Variants in TRPA1 observed in about 807,000 individuals in gnomAD.
The protein encoded by TRPA1 is transient receptor potential cation channel subfamily A member 1, also known as ankyrin-like with transmembrane domains 1.
In TRPA1, 129 loss-of-function variants were observed where a neutral mutation model predicts 131.3. That is an observed-to-expected ratio of 0.98 (90% confidence interval 0.85 to 1.14). The LOEUF (loss-of-function observed/expected upper bound fraction) is 1.14, where lower values mean the gene tolerates loss of function less well. Ranked by LOEUF, TRPA1 falls within the 50% of genes most tolerant of loss-of-function variation. The pLI is 0.00. For synonymous variants in TRPA1, 441 were observed against 451.7 expected (o/e 0.98, Z 0.30); for missense variants, 1,304 against 1,354.2 (o/e 0.96, Z 0.58).
chr8:72,028,751 C>T (rs1256009970), intron 24 of TRPA1, among the ~76,000 whole-genome samples: 1 of 152,168 alleles, frequency 6.6e-6, no homozygotes, highest in Non-Finnish European at 1.5e-5. Flanking sequence ...TTCCTCTGGG[C>T]TCTCATGATA....
chr8:72,053,475 C>T (rs1424917043), intron 13 of TRPA1: 1 of 461,704 alleles, frequency 2.2e-6, no homozygotes, highest in African/African-American at 2.0e-5. Flanking sequence ...CTGGACCTAC[C>T]AGGGAGTAAA....
chr8:72,088,920 A>T, the TRPA1 span, among the ~76,000 whole-genome samples: 1 of 152,214 alleles, frequency 6.6e-6, no homozygotes, highest in Admixed American at 6.5e-5. Flanking sequence ...AATGCAATTA[A>T]TAAAAAGCCA....
chr8:72,083,071 A>G, the TRPA1 span, among the ~76,000 whole-genome samples: 7 of 151,950 alleles, frequency 4.6e-5, no homozygotes, highest in African/African-American at 1.4e-4. Context: ...TCTGCTATTG[A>G]ACCTACTAGT....
At chr8:72,057,963 G>T in intron 8 of TRPA1, 147 bp from the exon 9 acceptor site, 1 of 651,086 alleles carries the variant, frequency 1.5e-6, no homozygotes. Context: ...AGAATTATTT[G>T]AAAGTTTCCC....
upstream of TRPA1, among the ~76,000 whole-genome samples, chr8:72,079,893 C>T (rs1806257175): frequency 6.6e-6 from 1 of 151,732 alleles, no homozygotes; most frequent in Non-Finnish European, 1.5e-5. Context: ...TAAATGTATT[C>T]CTAAGGATTT....
chr8:72,039,934 T>C, intron 17 of TRPA1, 137 bp from the exon 18 acceptor site: 1 of 654,416 alleles, frequency 1.5e-6, no homozygotes, highest in East Asian at 2.7e-5. Context: ...TTGAAAAAAA[T>C]AAAAATTAGA....
intron 15 of TRPA1, 48 bp downstream of exon 15, chr8:72,050,730 C>G (rs772400684): frequency 1.6e-6 from 2 of 1,222,028 alleles, no homozygotes; most frequent in Non-Finnish European, 2.4e-6. Flanking sequence ...ATTACAACAA[C>G]ATATGTCAAG....
intron 23 of TRPA1, among the ~76,000 whole-genome samples, chr8:72,032,212 G>A (rs549966199): frequency 1.4e-3 from 217 of 152,250 alleles, no homozygotes; most frequent in South Asian, 0.014. Flanking sequence ...TTTTGAAGAG[G>A]CATGGAAAAT....
chr8:72,087,379 A>G, the TRPA1 span, among the ~76,000 whole-genome samples: 10 of 152,186 alleles, frequency 6.6e-5, no homozygotes, highest in Non-Finnish European at 1.2e-4. Flanking sequence ...AAACTGAAGT[A>G]TGCCGTTGGC....
At chr8:72,051,850 A>C (rs1805516721) in intron 14 of TRPA1, among the ~76,000 whole-genome samples, 1 of 152,234 alleles carries the variant, frequency 6.6e-6, no homozygotes, top group African/African-American at 2.4e-5. Flanking sequence ...GGAGTCTCAC[A>C]AGAGTGATGT....
chr8:72,054,816 C>T (rs1014841205), intron 12 of TRPA1: 3 of 152,340 alleles, frequency 2.0e-5, no homozygotes, highest in African/African-American at 7.2e-5. Context: ...AAATGAAAAA[C>T]CTCTGTAAAA....
chr8:72,085,050 A>G, the TRPA1 span, among the ~76,000 whole-genome samples: 1 of 152,090 alleles, frequency 6.6e-6, no homozygotes, highest in Non-Finnish European at 1.5e-5. Flanking sequence ...TTTGAATTCT[A>G]ATTTCCTTTT....
Position 72,055,527 on chromosome 8 carries a change from G to A in TRPA1, c.1438C>T (p.Leu480Phe), listed in dbSNP as rs376782021. Residue 480 changes from leucine to phenylalanine, a missense_variant, in exon 12 of 27, where the codon CTT (leucine) becomes TTT (phenylalanine). Transcript: ENST00000262209. ...SDTRLLNEGD[L>F]HGMTPLHLAA... is the part of the protein sequence containing the mutation. Reference sequence around the variant, plus strand: ...AGATGGAGAGGAGTCATTCCATGAAGGTCACCTTCATTCAGAAGCCTCGTA... The same window carrying A: ...AGATGGAGAGGAGTCATTCCATGAAAGTCACCTTCATTCAGAAGCCTCGTA... 7 of 1,613,466 alleles carry A rather than the reference G, an allele frequency of 4.3e-6. No individual in the cohort carries two copies. The African/African-American group carries it at 8.0e-5, about 18-fold the overall frequency.
Position 72,068,900 on chromosome 8 carries a change from T to A in TRPA1, c.444+123A>T, listed in dbSNP as rs1288817908. The stretch of plus-strand genomic sequence containing the variant: ...GTGAGAAGTAAAGCAAATGTAATAA[T>A]TGCATTTTGTTTGCCATGGAAGCTT... On this transcript the variant is annotated intron_variant, in intron 3 of 26. Transcript: ENST00000262209. 9 of 975,624 alleles carry A rather than the reference T, an allele frequency of 9.2e-6. No individual in the cohort carries two copies. In the East Asian group the frequency reaches 1.4e-4, roughly 16 times the overall value. The allele number at this position is 975,624 out of a possible 1,614,324, so 60.4% of individuals were successfully genotyped here. A position where few individuals can be genotyped will look rare whatever the true frequency, so the allele number is the denominator to read the frequency against.
intron 3 of TRPA1, among the ~76,000 whole-genome samples, chr8:72,066,528 C>T (rs1361975606): frequency 1.3e-5 from 2 of 152,164 alleles, no homozygotes; most frequent in Non-Finnish European, 2.9e-5. Flanking sequence ...GAACGTATCC[C>T]TTGTGAGTGT....
At chr8:72,051,193 G>A (rs188368725) in intron 14 of TRPA1, among the ~76,000 whole-genome samples, 2 of 152,298 alleles carry the variant, frequency 1.3e-5, no homozygotes, top group East Asian at 1.9e-4. Context: ...GAAATGGTCA[G>A]TACTTACAGA....
chr8:72,059,425 C>A lies in TRPA1; in HGVS notation c.958G>T (p.Asp320Tyr). 1 of 1,583,642 alleles carries A rather than the reference C, an allele frequency of 6.3e-7. No individual in the cohort carries two copies. Among genetic ancestry groups the A allele is most frequent in the Non-Finnish European group, 8.6e-7 (1 of 1,158,428 alleles). ...AAATAGTCTGCTAGCTCATGGTGATCAAACAATGAAGCTCTGAAAAAACAG... is the reference window on the plus strand; with the variant it reads ...AAATAGTCTGCTAGCTCATGGTGATAAAACAATGAAGCTCTGAAAAAACAG... Reference protein sequence around the residue: ...ETMLHRASLFDHHELADYLIS... With the variant: ...ETMLHRASLFYHHELADYLIS... Residue 320 changes from aspartate (D) to tyrosine (Y), a missense_variant, in exon 8 of 27, where the codon GAT (aspartate) becomes TAT (tyrosine). Coordinates refer to ENST00000262209, the MANE Select transcript of TRPA1 (RefSeq NM_007332.3).
intron 17 of TRPA1, among the ~76,000 whole-genome samples, chr8:72,044,012 T>C (rs941504230): frequency 6.6e-6 from 1 of 151,882 alleles, no homozygotes; most frequent in East Asian, 1.9e-4. Flanking sequence ...AAACTACTAC[T>C]GTGACACCAA....
intron 7 of TRPA1, 138 bp downstream of exon 7, chr8:72,061,487 A>G (rs910202168): frequency 3.2e-6 from 3 of 947,580 alleles, no homozygotes; most frequent in Admixed American, 1.8e-5. Context: ...GTTGATCCAC[A>G]GGGTCTTTGT....
Sources: allele counts gnomAD v4.1 joint callset (sites outside exome capture counted in the v4.1 genomes callset), GRCh38; gene constraint gnomAD v4.1.1; transcripts MANE v1.5; gene names NCBI Gene and HGNC (gene_info 2026-07-23, HGNC 2026-07-21).